INPP5B: variants seen among roughly 807,000 people sequenced by gnomAD.
The protein encoded by INPP5B is type II inositol 1,4,5-trisphosphate 5-phosphatase.
Under a neutral mutation model 118.5 loss-of-function variants are expected in INPP5B, and 90 were observed. The observed-to-expected ratio is 0.76, with a 90% CI of 0.64 to 0.90. The LOEUF (loss-of-function observed/expected upper bound fraction) is 0.90, where lower values mean the gene tolerates loss of function less well. Among genes scored for constraint, INPP5B ranks in the 40% least tolerant of loss-of-function variants. The probability of loss-of-function intolerance (pLI) is 0.00; values close to 1 mark genes in which losing one functional copy is unlikely to be tolerated. For missense variants in INPP5B, 984 were observed against 1,125.6 expected (o/e 0.87, Z 1.80); for synonymous variants, 385 against 418.9 (o/e 0.92, Z 0.99).
At chr1:37,867,275 G>A (rs1457205179) in intron 20 of INPP5B, among the ~76,000 whole-genome samples, 1 of 152,080 alleles carries the variant, frequency 6.6e-6, no homozygotes, top group African/African-American at 2.4e-5. Flanking sequence ...TTAGTCTCAG[G>A]ATACTTTATG....
Position 37,882,870 on chromosome 1 carries a change from A to G in INPP5B, c.1368T>C (p.Asp456=). 4 of 1,614,064 alleles carry G rather than the reference A, an allele frequency of 2.5e-6. No individual in the cohort carries two copies. The highest frequency in any genetic ancestry group is 2.2e-5 in the East Asian group (1 of 44,884). Residue 456 remains aspartate, a synonymous_variant, in exon 14 of 24, where the codon GAT becomes GAC. Transcript: ENST00000373024. ...CGATGAGCTTTTTCACTTTTTCCACATCCAGCTCTTCTATCCTGTAGTTGA... is the reference window on the plus strand; with the variant it reads ...CGATGAGCTTTTTCACTTTTTCCACGTCCAGCTCTTCTATCCTGTAGTTGA... ...GDLNYRIEEL[D]VEKVKKLIEE... is the part of the protein sequence containing the mutation.
chr1:37,918,975 G>C (rs1297884427), intron 7 of INPP5B, among the ~76,000 whole-genome samples: 1 of 152,170 alleles, frequency 6.6e-6, no homozygotes, highest in Non-Finnish European at 1.5e-5. Flanking sequence ...TTACAAATAA[G>C]GAAATTGAGG....
intron 7 of INPP5B, among the ~76,000 whole-genome samples, chr1:37,910,038 C>G (rs910962253): frequency 3.3e-5 from 5 of 152,160 alleles, no homozygotes; most frequent in Non-Finnish European, 7.3e-5. Context: ...CCAACTCACC[C>G]AGCAGCCACT....
At chr1:37,940,235 G>A (rs1645862522) in intron 6 of INPP5B, among the ~76,000 whole-genome samples, 1 of 152,194 alleles carries the variant, frequency 6.6e-6, no homozygotes, top group African/African-American at 2.4e-5. Context: ...GGCCACTAAC[G>A]TTTCACTGCT....
At chr1:37,871,283 CCCCGT>C (rs1642413827) in intron 19 of INPP5B, among the ~76,000 whole-genome samples, 1 of 147,928 alleles carries the variant, frequency 6.8e-6, no homozygotes, top group African/African-American at 2.5e-5. Flanking sequence ...CATGGCAAAA[CCCCGT>C]CTCTATAGAA....
chr1:37,937,196 A>G (rs552402251), intron 6 of INPP5B, among the ~76,000 whole-genome samples: 3 of 151,914 alleles, frequency 2.0e-5, no homozygotes, highest in Non-Finnish European at 4.4e-5. Context: ...CTGTAATCCC[A>G]GCTACTCAGG....
intron 6 of INPP5B, among the ~76,000 whole-genome samples, chr1:37,939,368 AAAAT>A (rs1570405954): frequency 6.6e-6 from 1 of 152,036 alleles, no homozygotes; most frequent in East Asian, 1.9e-4. Flanking sequence ...CCGTCTCAAA[AAAAT>A]AAATAAAATA....
In INPP5B at chr1:37,889,650, A is replaced by G; in HGVS notation, c.704T>C (p.Ile235Thr). Residue 235 changes from isoleucine to threonine, a missense_variant, in exon 9 of 24, where the codon ATT becomes ACT. Ile to Thr is a moderately conservative substitution (Grantham distance 89, BLOSUM62 -1). This residue lies in a region of INPP5B where 350 missense variants were observed against 334.6 expected (regional missense o/e 1.05). Coordinates refer to ENST00000373024, the MANE Select transcript of INPP5B (RefSeq NM_005540.3). The stretch of plus-strand genomic sequence containing the variant: ...CAGTCCAAACTTCTGCATGGATAAA[A>G]TATGAGCCTTGTCCGACACTGTGAT... ...STITVSDKAH[I>T]LSMQKFGLRD... The G allele has an allele frequency of 6.2e-7, 1 of 1,613,964 alleles. No individual in the cohort carries two copies.
intron 6 of INPP5B, among the ~76,000 whole-genome samples, chr1:37,933,917 TTATTTATTTA>T (rs1645590896): frequency 7.0e-6 from 1 of 142,876 alleles, no homozygotes; most frequent in Non-Finnish European, 1.5e-5. Context: ...ATTTATTTAT[TTATTTATTTA>T]TTTATTTATT....
In INPP5B at chr1:37,907,390, C is replaced by T. The variant is rs1352618394; in HGVS notation, c.533-15936G>A. ...ATAGTTAGGCAGGAATATAATCGAC[C>T]TATTCAGCATGAAGAAGTTACAGAA... On this transcript the variant is annotated intron_variant, in intron 7 of 23. Coordinates refer to ENST00000373024, the MANE Select transcript of INPP5B (RefSeq NM_005540.3). The surrounding 1 kb of genome is among the most constrained non-coding windows in gnomAD (Gnocchi z 4.3). Among the ~76,000 whole-genome samples, 1 of 152,196 alleles carries T rather than the reference C, an allele frequency of 6.6e-6. No individual in the cohort carries two copies. Among genetic ancestry groups the T allele is most frequent in the East Asian group, 1.9e-4 (1 of 5,198 alleles).
At chr1:37,884,171 T>C (rs768142428) in intron 13 of INPP5B, 20 of 152,168 alleles carry the variant, frequency 1.3e-4, no homozygotes, top group African/African-American at 3.6e-4. Context: ...TCTTTGGTTG[T>C]TTTCTTCATA....
chr1:37,945,905 G>T, intron 2 of INPP5B, 55 bp from the exon 3 acceptor site: 1 of 1,526,366 alleles, frequency 6.6e-7, no homozygotes, highest in Non-Finnish European at 9.0e-7. Flanking sequence ...TCCCCACCCA[G>T]GCTGTCCCAC....
At chr1:37,923,758 G>A (rs1346280994) in intron 7 of INPP5B, among the ~76,000 whole-genome samples, 1 of 146,984 alleles carries the variant, frequency 6.8e-6, no homozygotes, top group Non-Finnish European at 1.5e-5. Flanking sequence ...GAAAATGGAG[G>A]GAGGAAAGGA....
At chr1:37,891,575 G>A in intron 7 of INPP5B, 121 bp from the exon 8 acceptor site, 1 of 606,030 alleles carries the variant, frequency 1.7e-6, no homozygotes, top group African/African-American at 1.8e-5. Context: ...GGGAGTTCGA[G>A]ACCAGCCTGA....
intron 2 of INPP5B, 150 bp from the exon 3 acceptor site, chr1:37,946,000 A>C (rs1258143480): frequency 1.4e-6 from 1 of 725,848 alleles, no homozygotes; most frequent in Non-Finnish European, 2.3e-6. Flanking sequence ...ACAGACAAAC[A>C]GGCTCTCTAA....
At chr1:37,932,912 C>T (rs1645544555) in intron 6 of INPP5B, among the ~76,000 whole-genome samples, 1 of 152,116 alleles carries the variant, frequency 6.6e-6, no homozygotes, top group African/African-American at 2.4e-5. Flanking sequence ...TGCCACTCTC[C>T]CTCTTAGAAA....
intron 6 of INPP5B, among the ~76,000 whole-genome samples, chr1:37,936,091 C>T (rs1645678226): frequency 6.6e-6 from 1 of 151,902 alleles, no homozygotes; most frequent in South Asian, 2.1e-4. Flanking sequence ...AAATAAAATT[C>T]CTTAATGGTT....
intron 22 of INPP5B, 116 bp downstream of exon 22, chr1:37,865,644 AG>A: frequency 8.8e-7 from 1 of 1,142,298 alleles, no homozygotes. Flanking sequence ...AGGTTTGAGA[AG>A]GAAAGATAAG....
intron 19 of INPP5B, 89 bp from the exon 20 acceptor site, chr1:37,868,703 G>A: frequency 1.2e-5 from 10 of 809,122 alleles, no homozygotes; most frequent in South Asian, 1.1e-4. Flanking sequence ...CACAGAAAAA[G>A]GAAAACATTC....
Sources: allele counts gnomAD v4.1 joint callset (sites outside exome capture counted in the v4.1 genomes callset), GRCh38; gene constraint gnomAD v4.1.1; regional missense constraint gnomAD v4.1.1; non-coding constraint Gnocchi (gnomAD v3.1); transcripts MANE v1.5; gene names NCBI Gene and HGNC (gene_info 2026-07-23, HGNC 2026-07-21).